Variants in ZMAT4 observed in about 807,000 individuals in gnomAD.
The protein encoded by ZMAT4 is zinc finger matrin-type protein 4.
ZMAT4 carries 17 observed loss-of-function variants against 28.7 expected under a neutral mutation model. The observed-to-expected ratio is 0.59, with a 90% confidence interval of 0.41 to 0.89. The LOEUF (loss-of-function observed/expected upper bound fraction) is 0.89. ZMAT4 is among the 40% of genes least tolerant of loss of function. ZMAT4 has a pLI of 0.00. For missense variants in ZMAT4, 240 were observed against 283.8 expected (o/e 0.85, Z 1.11); for synonymous variants, 117 against 109.2 (o/e 1.07, Z -0.44).
chr8:40,795,126 C>G lies in ZMAT4; in HGVS notation c.103-27396G>C, dbSNP rs1180700378. ...GGCATTATGGTATAACTCCCCAGAC[C>G]CTAGTCTAATCACACATCTACTCTG... On this transcript the variant is annotated intron_variant, in intron 2 of 6. Coordinates refer to ENST00000297737, the MANE Select transcript of ZMAT4 (RefSeq NM_024645.3). Among the ~76,000 whole-genome samples, 3 of 152,080 alleles carry G rather than the reference C, an allele frequency of 2.0e-5. No homozygotes were observed. In the South Asian group the frequency reaches 6.2e-4, roughly 32 times the overall value.
chr8:40,560,038 G>A (rs978994769), intron 6 of ZMAT4, among the ~76,000 whole-genome samples: 3 of 152,054 alleles, frequency 2.0e-5, no homozygotes, highest in Admixed American at 6.6e-5. Flanking sequence ...GCTCCCTGAG[G>A]TCTGTTCCAC....
intron 6 of ZMAT4, among the ~76,000 whole-genome samples, chr8:40,556,283 T>C (rs1484360171): frequency 6.6e-6 from 1 of 152,212 alleles, no homozygotes; most frequent in Non-Finnish European, 1.5e-5. Context: ...TTCAGTTTTT[T>C]ACTTAAAAAG....
At chr8:40,626,055 A>C (rs929827482) in intron 5 of ZMAT4, among the ~76,000 whole-genome samples, 12 of 149,130 alleles carry the variant, frequency 8.0e-5, no homozygotes, top group Non-Finnish European at 1.3e-4. Context: ...GGTTGCAGTG[A>C]GCTGAGATTG....
chr8:40,592,570 C>T lies in ZMAT4; in HGVS notation c.578-11309G>A, dbSNP rs577948423. Among the ~76,000 whole-genome samples, 89 of 152,268 alleles carry T rather than the reference C, an allele frequency of 5.8e-4. No homozygotes were observed. In the Middle Eastern group the frequency reaches 0.014, roughly 23 times the overall value. ...GAAAATTTAATTGGGAAGCAAATGG[C>T]TTTGCATCTTCAAAAGTTGTTTCCA... On this transcript the variant is annotated intron_variant, in intron 5 of 6. Coordinates refer to ENST00000297737, the MANE Select transcript of ZMAT4 (RefSeq NM_024645.3).
intron 3 of ZMAT4, among the ~76,000 whole-genome samples, chr8:40,729,853 TC>T (rs1811463776): frequency 6.6e-6 from 1 of 152,186 alleles, no homozygotes; most frequent in Admixed American, 6.5e-5. Flanking sequence ...TGCCTTGGCC[TC>T]CCAAAGTGCT....
At chr8:40,618,509 G>T (rs1395654675) in intron 5 of ZMAT4, among the ~76,000 whole-genome samples, 1 of 152,166 alleles carries the variant, frequency 6.6e-6, no homozygotes, top group African/African-American at 2.4e-5. Flanking sequence ...GACGCAGTTT[G>T]TATTGACAGA....
chr8:40,659,557 G>T (rs1221299779), intron 5 of ZMAT4, among the ~76,000 whole-genome samples: 1 of 152,162 alleles, frequency 6.6e-6, no homozygotes, highest in East Asian at 1.9e-4. Context: ...TGTGGTCCCA[G>T]GGTAGGGTCA....
At chr8:40,591,958 C>A (rs1804907679) in intron 5 of ZMAT4, among the ~76,000 whole-genome samples, 1 of 127,992 alleles carries the variant, frequency 7.8e-6, no homozygotes, top group African/African-American at 3.0e-5. Context: ...ACCTTAATTA[C>A]TGCACTAGGT....
At chr8:40,782,230 A>T (rs773139833) in intron 2 of ZMAT4, among the ~76,000 whole-genome samples, 4 of 152,058 alleles carry the variant, frequency 2.6e-5, no homozygotes, top group Non-Finnish European at 5.9e-5. Flanking sequence ...TACTAAAAAG[A>T]TAAAAATTAG....
intron 3 of ZMAT4, among the ~76,000 whole-genome samples, chr8:40,763,383 T>C (rs1303204153): frequency 6.6e-6 from 1 of 152,208 alleles, no homozygotes; most frequent in African/African-American, 2.4e-5. Flanking sequence ...ATCTCTCTGT[T>C]TGCTTCTCTG....
At chr8:40,878,304 C>A (rs564421121) in intron 1 of ZMAT4, among the ~76,000 whole-genome samples, 3 of 152,204 alleles carry the variant, frequency 2.0e-5, no homozygotes, top group South Asian at 2.1e-4. Context: ...CCCCTCCTTG[C>A]CCCATCTCAC....
rs190058405 is a variant in ZMAT4, at chr8:40,865,742, C to A, written c.-5+31941G>T. ...CAGTTTCTAAAGCTGGGACTCGAAC[C>A]CGGACTTTTAGACTCCGTCTTCTGC... On this transcript the variant is annotated intron_variant, in intron 1 of 6. Transcript: ENST00000297737. Among the ~76,000 whole-genome samples, 87 of 152,310 alleles carry A rather than the reference C, an allele frequency of 5.7e-4. 2 individuals are homozygous for A. The East Asian group carries it at 6.7e-3, about 12-fold the overall frequency.
chr8:40,841,009 G>A (rs768346923), intron 1 of ZMAT4, among the ~76,000 whole-genome samples: 10 of 152,190 alleles, frequency 6.6e-5, no homozygotes, highest in Non-Finnish European at 1.3e-4. Context: ...TTTCTGTGGA[G>A]CCCCACATAA....
chr8:40,877,108 G>A (rs1818066594), intron 1 of ZMAT4, among the ~76,000 whole-genome samples: 1 of 152,274 alleles, frequency 6.6e-6, no homozygotes, highest in Middle Eastern at 3.4e-3. Flanking sequence ...TGGAAATCTG[G>A]ACACAGTGAC....
intron 5 of ZMAT4, among the ~76,000 whole-genome samples, chr8:40,638,836 A>G (rs536430076): frequency 4.6e-5 from 7 of 152,368 alleles, no homozygotes; most frequent in Admixed American, 2.0e-4. Flanking sequence ...GGTAATAAGT[A>G]TGGGGAATAA....
At chr8:40,613,143 T>C (rs1805862670) in intron 5 of ZMAT4, among the ~76,000 whole-genome samples, 1 of 150,222 alleles carries the variant, frequency 6.7e-6, no homozygotes, top group African/African-American at 2.4e-5. Context: ...TTGAAATCTT[T>C]CACCTACCCT....
At chr8:40,696,618 C>A (rs777423300) in intron 4 of ZMAT4, among the ~76,000 whole-genome samples, 1 of 152,056 alleles carries the variant, frequency 6.6e-6, no homozygotes, top group Non-Finnish European at 1.5e-5. Flanking sequence ...GTCAAATCAT[C>A]GGTTATCAAT....
At position 40,885,417 on chromosome 8, in the gene ZMAT4, C is replaced by G. The variant is rs1276255233; in HGVS notation, c.-5+12266G>C. Among the ~76,000 whole-genome samples the G allele has an allele frequency of 4.6e-5, 7 of 152,366 alleles. No individual in the cohort carries two copies. In the South Asian group the frequency reaches 6.2e-4, roughly 14 times the overall value. ...CCGACCCGAGCCATCTCCCTTCTTG[C>G]CAGGACCAGTGCCTCCGAGGGCGCC... On this transcript the variant is annotated intron_variant, in intron 1 of 6. Coordinates refer to ENST00000297737, the MANE Select transcript of ZMAT4 (RefSeq NM_024645.3).
intron 4 of ZMAT4, 142 bp downstream of exon 4, chr8:40,697,103 C>A: frequency 2.0e-6 from 2 of 976,278 alleles, no homozygotes; most frequent in Non-Finnish European, 2.9e-6. Flanking sequence ...CTGAGGTCAG[C>A]CACTCATCCC....
Sources: gnomAD v4.1 joint callset for allele counts (sites outside exome capture counted in the v4.1 genomes callset) on GRCh38, gnomAD v4.1.1 for gene constraint, MANE v1.5 for transcripts, NCBI Gene and HGNC (gene_info 2026-07-23, HGNC 2026-07-21) for gene names.